METAP2: variants seen among roughly 807,000 people sequenced by gnomAD.
METAP2 encodes methionyl aminopeptidase 2.
METAP2 carries 25 observed loss-of-function variants against 59.4 expected under a neutral mutation model. The observed-to-expected ratio is 0.42, with a 90% confidence interval of 0.31 to 0.59. METAP2 has a LOEUF of 0.59. METAP2 is among the 20% of genes least tolerant of loss of function. The pLI, the probability that METAP2 is intolerant of heterozygous loss-of-function variation, is 0.16. For synonymous variants in METAP2, 214 were observed against 194.1 expected (o/e 1.10, Z -0.85); for missense variants, 366 against 581.2 (o/e 0.63, Z 3.81).
chr12:95,509,894 A>G (rs2076390027), intron 8 of METAP2, among the ~76,000 whole-genome samples: 1 of 144,202 alleles, frequency 6.9e-6, no homozygotes, highest in African/African-American at 2.6e-5. Context: ...ACTGGAGTAC[A>G]GTGGTGCAGT....
chr12:95,486,672 T>C lies in METAP2; in HGVS notation c.428+691T>C, dbSNP rs140478269. ...ACCACCATGCCTGGCTAATTTTGTATTTTTAATAGAGACGGGGTTCCTCCA... is the reference window on the plus strand; with the variant it reads ...ACCACCATGCCTGGCTAATTTTGTACTTTTAATAGAGACGGGGTTCCTCCA... On this transcript the variant is annotated intron_variant, in intron 4 of 10. Coordinates refer to ENST00000323666, the MANE Select transcript of METAP2 (RefSeq NM_006838.4). 4.6e-3 allele frequency among the ~76,000 whole-genome samples: 700 copies of C among 152,230 alleles called. 7 individuals carry two copies. Among genetic ancestry groups the C allele is most frequent in the African/African-American group, 0.016 (671 of 41,530 alleles).
chr12:95,488,980 G>A (rs1337609584), intron 4 of METAP2, among the ~76,000 whole-genome samples: 1 of 151,950 alleles, frequency 6.6e-6, no homozygotes, highest in East Asian at 1.9e-4. Flanking sequence ...TTATCACCTT[G>A]TCTTATCCAA....
At chr12:95,511,399 T>TTG (rs2076401392) in intron 8 of METAP2, among the ~76,000 whole-genome samples, 1 of 140,468 alleles carries the variant, frequency 7.1e-6, no homozygotes, top group South Asian at 2.4e-4. Context: ...GTTTTTTTTT[T>TTG]TTTTTTTTTT....
chr12:95,488,748 A>G (rs771851212), intron 4 of METAP2, among the ~76,000 whole-genome samples: 8 of 152,082 alleles, frequency 5.3e-5, no homozygotes, highest in Non-Finnish European at 1.0e-4. Flanking sequence ...TCCCATGTAT[A>G]TAATGGAATC....
At chr12:95,481,505 A>G (rs1565775061) in intron 2 of METAP2, among the ~76,000 whole-genome samples, 1 of 152,216 alleles carries the variant, frequency 6.6e-6, no homozygotes, top group Non-Finnish European at 1.5e-5. Flanking sequence ...TCAACATGGT[A>G]TAATGGTTGG....
intron 10 of METAP2, 43 bp from the exon 11 acceptor site, chr12:95,513,609 T>TA (rs1249322982): frequency 6.3e-7 from 1 of 1,588,394 alleles, no homozygotes; most frequent in Non-Finnish European, 8.6e-7. Flanking sequence ...AATCAGTTCG[T>TA]AACTCTTTTG....
intron 4 of METAP2, among the ~76,000 whole-genome samples, chr12:95,488,538 A>AAAAAAAAAT (rs2076214841): frequency 6.7e-6 from 1 of 148,664 alleles, no homozygotes; most frequent in African/African-American, 2.5e-5. Context: ...AAAAAAAAAA[A>AAAAAAAAAT]ATACTTCTGA....
intron 4 of METAP2, among the ~76,000 whole-genome samples, chr12:95,486,824 A>G (rs757270767): frequency 6.6e-6 from 1 of 152,180 alleles, no homozygotes; most frequent in Non-Finnish European, 1.5e-5. Context: ...TCACATAATT[A>G]CCATAACAAG....
intron 4 of METAP2, among the ~76,000 whole-genome samples, chr12:95,487,307 A>G (rs946180909): frequency 9.3e-5 from 14 of 150,664 alleles, no homozygotes; most frequent in African/African-American, 3.2e-4. Flanking sequence ...CTTGGCCTGT[A>G]AAGACACCAT....
chr12:95,501,171 A>G (rs1416887028), intron 7 of METAP2, among the ~76,000 whole-genome samples: 1 of 152,024 alleles, frequency 6.6e-6, no homozygotes, highest in African/African-American at 2.4e-5. Context: ...CACTACACCC[A>G]GCTAATTTAA....
rs76133390 is a variant in METAP2 at position 95,502,926 on chromosome 12, T to C, written c.868-1139T>C. On this transcript the variant is annotated intron_variant, in intron 7 of 10. Coordinates refer to ENST00000323666, the MANE Select transcript of METAP2 (RefSeq NM_006838.4). ...TCTTTTAGGTTTTCTATTTCTTTTT[T>C]GATATTTTCATTTTGTTCATACATT... Among the ~76,000 whole-genome samples the C allele has an allele frequency of 6.5e-3, 978 of 150,788 alleles. 38 individuals are homozygous for C. In the East Asian group the frequency reaches 0.1, roughly 16 times the overall value.
At chr12:95,503,101 T>A (rs2076329062) in intron 7 of METAP2, among the ~76,000 whole-genome samples, 1 of 152,150 alleles carries the variant, frequency 6.6e-6, no homozygotes, top group Non-Finnish European at 1.5e-5. Context: ...CTTTGATGGG[T>A]GTTCTTATTT....
chr12:95,475,542 A>T (rs2076111717), intron 1 of METAP2, among the ~76,000 whole-genome samples: 1 of 152,186 alleles, frequency 6.6e-6, no homozygotes, highest in African/African-American at 2.4e-5. Flanking sequence ...TATTGCTCTT[A>T]TAGGTAGGTT....
intron 7 of METAP2, among the ~76,000 whole-genome samples, chr12:95,499,651 C>T (rs2076301135): frequency 6.6e-6 from 1 of 150,580 alleles, no homozygotes; most frequent in South Asian, 2.1e-4. Flanking sequence ...ATGGTATTGA[C>T]ATTTTAATAA....
At chr12:95,506,968 A>G (rs903100407) in intron 8 of METAP2, among the ~76,000 whole-genome samples, 7 of 148,316 alleles carry the variant, frequency 4.7e-5, no homozygotes, top group Non-Finnish European at 8.9e-5. Context: ...TTTTTTTTTT[A>G]GTGGAGATGG....
In METAP2 at chr12:95,474,265, C is replaced by T. The variant is rs375477473; in HGVS notation, c.86C>T (p.Ser29Phe). ...DPDDREEGAASTAEEAAKKKR... is the reference protein window; with the variant it reads ...DPDDREEGAAFTAEEAAKKKR... ...GACGACAGGGAAGAAGGAGCTGCCTCTACGGCTGAGGAAGCAGCCAAGAAA... is the reference window on the plus strand; with the variant it reads ...GACGACAGGGAAGAAGGAGCTGCCTTTACGGCTGAGGAAGCAGCCAAGAAA... Residue 29 changes from serine to phenylalanine, a missense_variant, in exon 1 of 11, where the codon TCT becomes TTT. Ser to Phe is a radical substitution (Grantham distance 155, BLOSUM62 -2). This residue lies in a region of METAP2 where 177 missense variants were observed against 180.3 expected (regional missense o/e 0.98). Coordinates refer to ENST00000323666, the MANE Select transcript of METAP2 (RefSeq NM_006838.4). 2.5e-6 allele frequency: 4 copies of T among 1,614,106 alleles called. No individual in the cohort carries two copies. The highest frequency in any genetic ancestry group is 1.3e-5 in the African/African-American group (1 of 74,946).
chr12:95,494,851 A>G (rs981947548), intron 5 of METAP2, 106 bp from the exon 6 acceptor site: 5 of 792,154 alleles, frequency 6.3e-6, no homozygotes, highest in Non-Finnish European at 7.6e-6. Flanking sequence ...CCCAGAAGGT[A>G]TTTAAGGTTT....
intron 8 of METAP2, among the ~76,000 whole-genome samples, chr12:95,506,618 C>G (rs1022791539): frequency 6.6e-6 from 1 of 151,800 alleles, no homozygotes; most frequent in Admixed American, 6.6e-5. Context: ...TTTTTGATAT[C>G]AAGATATTCT....
At chr12:95,511,779 A>G in intron 8 of METAP2, 116 bp from the exon 9 acceptor site, 1 of 633,184 alleles carries the variant, frequency 1.6e-6, no homozygotes, top group South Asian at 2.2e-5. Context: ...AAGGTTATTT[A>G]GTAAAGCCAT....
Sources: gnomAD v4.1 joint callset for allele counts (sites outside exome capture counted in the v4.1 genomes callset) on GRCh38, gnomAD v4.1.1 for gene constraint, gnomAD v4.1.1 regional missense constraint, MANE v1.5 for transcripts, NCBI Gene and HGNC (gene_info 2026-07-23, HGNC 2026-07-21) for gene names.